CNTN5: variants seen among roughly 807,000 people sequenced by gnomAD.
The protein encoded by CNTN5 is contactin-5.
CNTN5 carries 77 observed loss-of-function variants against 129.1 expected under a neutral mutation model. The observed-to-expected ratio is 0.60, with a 90% CI of 0.50 to 0.72. CNTN5 has a LOEUF of 0.72. Among genes scored for constraint, CNTN5 ranks in the 30% least tolerant of loss-of-function variants. The probability of loss-of-function intolerance (pLI) is 0.00; values close to 1 mark genes in which losing one functional copy is unlikely to be tolerated. For synonymous variants in CNTN5, 509 were observed against 465.6 expected (o/e 1.09, Z -1.20); for missense variants, 1,478 against 1,328.8 (o/e 1.11, Z -1.75).
intron 3 of CNTN5, among the ~76,000 whole-genome samples, chr11:99,695,607 G>A (rs117299784): frequency 0.012 from 1,757 of 152,084 alleles, 18 homozygotes; most frequent in Non-Finnish European, 0.02. Context: ...AACACTAAGG[G>A]CCAGGCACGG....
chr11:100,161,200 G>T (rs1947433770), intron 13 of CNTN5, among the ~76,000 whole-genome samples: 1 of 151,512 alleles, frequency 6.6e-6, no homozygotes, highest in African/African-American at 2.4e-5. Context: ...TTCATGATTG[G>T]GCTGTGACTC....
chr11:100,066,024 A>C (rs1216962252), intron 10 of CNTN5, among the ~76,000 whole-genome samples: 1 of 152,094 alleles, frequency 6.6e-6, no homozygotes, highest in East Asian at 1.9e-4. Context: ...TGGAGAAAAA[A>C]TTCTTGCCTT....
At chr11:99,530,444 G>T (rs1344794880) in intron 2 of CNTN5, among the ~76,000 whole-genome samples, 2 of 151,200 alleles carry the variant, frequency 1.3e-5, no homozygotes, top group Admixed American at 6.6e-5. Flanking sequence ...TTGAAGTCCT[G>T]CTATGTGATA....
chr11:99,752,370 T>C (rs1239450722), intron 3 of CNTN5, among the ~76,000 whole-genome samples: 1 of 152,208 alleles, frequency 6.6e-6, no homozygotes, highest in Non-Finnish European at 1.5e-5. Context: ...TAAAATGTCA[T>C]TAGCAAACTA....
intron 1 of CNTN5, among the ~76,000 whole-genome samples, chr11:99,169,625 G>T (rs985270926): frequency 6.6e-6 from 1 of 152,194 alleles, no homozygotes. Flanking sequence ...TTTTGCATCG[G>T]CTCCTTAATA....
Position 99,430,217 on chromosome 11 carries a change from A to C in CNTN5, c.-71+104733A>C, listed in dbSNP as rs564537119. The stretch of plus-strand genomic sequence containing the variant: ...GAGGAATAGGGTAGAAGAAAAGTAA[A>C]TTAAATAATGATTTTTAAGAAAGAA... On this transcript the variant is annotated intron_variant, in intron 2 of 24. Coordinates refer to ENST00000524871, the MANE Select transcript of CNTN5 (RefSeq NM_014361.4). Among the ~76,000 whole-genome samples, 7 of 152,246 alleles carry C rather than the reference A, an allele frequency of 4.6e-5. No homozygotes were observed. The South Asian group carries it at 1.4e-3, about 32-fold the overall frequency.
intron 3 of CNTN5, among the ~76,000 whole-genome samples, chr11:99,689,498 C>T (rs112591064): frequency 0.02 from 2,788 of 138,646 alleles, 97 homozygotes; most frequent in African/African-American, 0.072. Flanking sequence ...CTGCACTCTA[C>T]CCTGGGCGAC....
intron 3 of CNTN5, among the ~76,000 whole-genome samples, chr11:99,692,068 C>CT (rs1954062207): frequency 6.6e-6 from 1 of 152,044 alleles, no homozygotes; most frequent in Admixed American, 6.6e-5. Flanking sequence ...GCAACCCCTG[C>CT]TTTTTTAGGT....
chr11:99,415,095 G>A (rs929441846), intron 2 of CNTN5, among the ~76,000 whole-genome samples: 4 of 152,132 alleles, frequency 2.6e-5, no homozygotes, highest in African/African-American at 9.7e-5. Flanking sequence ...GAAAATGTGT[G>A]ATATCTTTTC....
At chr11:99,653,218 T>A (rs76457970) in intron 3 of CNTN5, among the ~76,000 whole-genome samples, 1,778 of 152,054 alleles carry the variant, frequency 0.012, 35 homozygotes, top group African/African-American at 0.04. Flanking sequence ...ATAGACAGAT[T>A]GGATTTGTAC....
At chr11:99,915,057 A>G (rs1020015969) in intron 6 of CNTN5, among the ~76,000 whole-genome samples, 5 of 152,086 alleles carry the variant, frequency 3.3e-5, no homozygotes, top group African/African-American at 9.7e-5. Context: ...TCTATTTTAC[A>G]ATTTGTGCCT....
In CNTN5 at chr11:99,839,066, G is replaced by T. The variant is rs372344626; in HGVS notation, c.278-5786G>T. On this transcript the variant is annotated intron_variant, in intron 4 of 24. Coordinates refer to ENST00000524871, the MANE Select transcript of CNTN5 (RefSeq NM_014361.4). ...TTCACAAGTTAATTGGTCTAAAGAT[G>T]ATATAAAAGGCATGTTTACTTTATA... 5.3e-5 allele frequency among the ~76,000 whole-genome samples: 8 copies of T among 152,016 alleles called. No individual in the cohort carries two copies. In the East Asian group the frequency reaches 1.4e-3, roughly 26 times the overall value.
At chr11:99,699,308 C>T (rs1954413573) in intron 3 of CNTN5, among the ~76,000 whole-genome samples, 2 of 151,358 alleles carry the variant, frequency 1.3e-5, no homozygotes, top group South Asian at 4.1e-4. Context: ...GTTTCTAATG[C>T]TTTTAAAATT....
At chr11:99,467,064 T>C (rs1944973295) in intron 2 of CNTN5, among the ~76,000 whole-genome samples, 1 of 152,196 alleles carries the variant, frequency 6.6e-6, no homozygotes, top group African/African-American at 2.4e-5. Context: ...ACTTGAGTAA[T>C]ACTTTGACTA....
chr11:99,081,729 G>A (rs945027183), intron 1 of CNTN5, among the ~76,000 whole-genome samples: 1 of 152,064 alleles, frequency 6.6e-6, no homozygotes, highest in African/African-American at 2.4e-5. Flanking sequence ...AAGAACAAGA[G>A]TAATAAACAC....
Position 100,235,658 on chromosome 11 carries a change from TCTTCTGGGAA to T in CNTN5, c.2005+10848_2005+10857del, listed in dbSNP as rs1313387125. 6.6e-5 allele frequency among the ~76,000 whole-genome samples: 10 copies of T among 152,120 alleles called. No homozygotes were observed. In the East Asian group the frequency reaches 1.9e-3, roughly 29 times the overall value. ...CCAGAGCTCTAGGTCTAGTGTGCCT[TCTTCTGGGAA>T]CCATGGGTTATGGAAAAACAACAGT... On this transcript the variant is annotated intron_variant, in intron 16 of 24. Transcript: ENST00000524871.
intron 2 of CNTN5, among the ~76,000 whole-genome samples, chr11:99,486,828 G>A (rs1410959709): frequency 6.6e-6 from 1 of 152,126 alleles, no homozygotes; most frequent in Non-Finnish European, 1.5e-5. Flanking sequence ...GGAAAGGAAT[G>A]ATGACATAGA....
At chr11:99,976,980 C>T (rs971640518) in intron 8 of CNTN5, among the ~76,000 whole-genome samples, 1 of 152,114 alleles carries the variant, frequency 6.6e-6, no homozygotes, top group African/African-American at 2.4e-5. Context: ...AATTTCAGAC[C>T]ATTTCTTTGT....
chr11:99,206,093 C>T (rs1212795209), intron 1 of CNTN5, among the ~76,000 whole-genome samples: 1 of 152,088 alleles, frequency 6.6e-6, no homozygotes, highest in Non-Finnish European at 1.5e-5. Context: ...TTTACAGCCA[C>T]CTTTGGTTTT....
Sources: allele counts gnomAD v4.1 joint callset (sites outside exome capture counted in the v4.1 genomes callset), GRCh38; gene constraint gnomAD v4.1.1; transcripts MANE v1.5; gene names NCBI Gene and HGNC (gene_info 2026-07-23, HGNC 2026-07-21).